Variants in TFEC observed in about 807,000 individuals in gnomAD.
The protein encoded by TFEC is transcription factor EC, also known as class E basic helix-loop-helix protein 34.
A neutral mutation model predicts 41.6 loss-of-function variants in TFEC; 31 were observed. The observed-to-expected ratio is 0.74, with a 90% confidence interval of 0.56 to 1.01. The LOEUF is 1.01. Ranked by LOEUF, TFEC falls within the 50% of genes least tolerant of loss-of-function variation. The probability of loss-of-function intolerance (pLI) is 0.00; values close to 1 mark genes in which losing one functional copy is unlikely to be tolerated. For missense variants in TFEC, 402 were observed against 404.1 expected (o/e 0.99, Z 0.04); for synonymous variants, 143 against 140.6 (o/e 1.02, Z -0.12).
intron 3 of TFEC, among the ~76,000 whole-genome samples, chr7:116,100,566 C>T (rs759393120): frequency 1.3e-5 from 2 of 150,168 alleles, no homozygotes; most frequent in East Asian, 2.0e-4. Flanking sequence ...AGGTGTAGAG[C>T]GAACAAGAGA....
chr7:116,119,150 A>G (rs1017790254), intron 1 of TFEC, among the ~76,000 whole-genome samples: 2 of 151,812 alleles, frequency 1.3e-5, no homozygotes, highest in Non-Finnish European at 2.9e-5. Context: ...CCTTCAATAA[A>G]TTTATTAATG....
intron 1 of TFEC, among the ~76,000 whole-genome samples, chr7:116,017,285 G>C (rs556501996): frequency 6.6e-6 from 1 of 152,078 alleles, no homozygotes; most frequent in Admixed American, 6.5e-5. Flanking sequence ...GCAGTGGCAC[G>C]ATCTCCACTC....
chr7:116,003,177 A>G (rs1794662630), intron 1 of TFEC, among the ~76,000 whole-genome samples: 1 of 152,152 alleles, frequency 6.6e-6, no homozygotes, highest in South Asian at 2.1e-4. Flanking sequence ...ATAAATTAAA[A>G]GTAGGGCTAG....
intron 1 of TFEC, among the ~76,000 whole-genome samples, chr7:116,127,025 C>A (rs746420788): frequency 1.6e-4 from 25 of 152,104 alleles, no homozygotes; most frequent in Non-Finnish European, 3.1e-4. Context: ...TAATTTCAAC[C>A]TTTCTGACTG....
chr7:116,082,079 G>C (rs1440318431), intron 3 of TFEC, among the ~76,000 whole-genome samples: 2 of 152,036 alleles, frequency 1.3e-5, no homozygotes, highest in African/African-American at 2.4e-5. Context: ...CCAAGAGACT[G>C]TGAACTTAGT....
chr7:115,990,325 C>G (rs1794050069), intron 1 of TFEC, among the ~76,000 whole-genome samples: 1 of 152,142 alleles, frequency 6.6e-6, no homozygotes, highest in Non-Finnish European at 1.5e-5. Flanking sequence ...GCTTCTTCTC[C>G]ACCAAAGGAG....
chr7:116,051,013 T>C (rs1393731031), intron 3 of TFEC, among the ~76,000 whole-genome samples: 3 of 152,316 alleles, frequency 2.0e-5, no homozygotes, highest in African/African-American at 7.2e-5. Flanking sequence ...CGGATGAAGC[T>C]GGAAACCATC....
intron 2 of TFEC, chr7:116,111,889 T>C: frequency 2.2e-6 from 1 of 462,612 alleles, no homozygotes; most frequent in Non-Finnish European, 2.9e-6. Context: ...TTAGTGTTTA[T>C]AAGATATCAT....
At chr7:115,959,397 G>A (rs138380100) in intron 3 of TFEC, among the ~76,000 whole-genome samples, 7 of 151,732 alleles carry the variant, frequency 4.6e-5, no homozygotes, top group South Asian at 2.1e-4. Flanking sequence ...GAGGCTCTTC[G>A]CCGTAGATTT....
At chr7:116,081,583 C>G (rs556394261) in intron 3 of TFEC, among the ~76,000 whole-genome samples, 2 of 152,006 alleles carry the variant, frequency 1.3e-5, no homozygotes, top group African/African-American at 4.8e-5. Flanking sequence ...GGTAACTGCT[C>G]TCTCCAAATC....
intron 3 of TFEC, among the ~76,000 whole-genome samples, chr7:116,059,139 G>A (rs1229568511): frequency 1.3e-5 from 2 of 151,776 alleles, no homozygotes; most frequent in Admixed American, 6.6e-5. Context: ...CATAAAGAGA[G>A]GGAAATACAA....
intron 3 of TFEC, among the ~76,000 whole-genome samples, chr7:116,048,690 A>G (rs1351268143): frequency 6.6e-6 from 1 of 152,224 alleles, no homozygotes; most frequent in Non-Finnish European, 1.5e-5. Flanking sequence ...CAGATTCATC[A>G]AAGTTGAAAT....
intron 3 of TFEC, among the ~76,000 whole-genome samples, chr7:116,089,930 A>G (rs996939600): frequency 4.6e-5 from 7 of 152,114 alleles, no homozygotes; most frequent in African/African-American, 1.7e-4. Context: ...CCAGGGTGTC[A>G]AGGTTTGGAT....
At chr7:116,130,832 A>G (rs2116308931) in intron 1 of TFEC, among the ~76,000 whole-genome samples, 1 of 152,284 alleles carries the variant, frequency 6.6e-6, no homozygotes. Flanking sequence ...GGCTGGTTTC[A>G]AACTCCTGGG....
chr7:115,941,348 G>A (rs910132072), intron 7 of TFEC: 2 of 162,180 alleles, frequency 1.2e-5, no homozygotes, highest in Admixed American at 6.3e-5. Context: ...AATCTTGAGA[G>A]TTATAAAAGC....
intron 3 of TFEC, among the ~76,000 whole-genome samples, chr7:116,099,571 A>G (rs917230578): frequency 6.6e-6 from 1 of 152,196 alleles, no homozygotes; most frequent in Admixed American, 6.5e-5. Context: ...GAAGAAGCCA[A>G]ACCATACTGC....
intron 3 of TFEC, among the ~76,000 whole-genome samples, chr7:116,101,926 C>T (rs1054291348): frequency 6.6e-6 from 1 of 152,150 alleles, no homozygotes; most frequent in African/African-American, 2.4e-5. Context: ...AAAGATGACT[C>T]TTACAGAAAA....
Position 115,978,003 on chromosome 7 carries a change from G to A in TFEC, c.181-3747C>T, listed in dbSNP as rs1004450641. The stretch of plus-strand genomic sequence containing the variant: ...GATAGAAAAAAGAGGGCAAAGAAAC[G>A]GAAAGCATAGTAACTTAAAACATAA... On this transcript the variant is annotated intron_variant, in intron 2 of 7. Coordinates refer to ENST00000265440, the MANE Select transcript of TFEC (RefSeq NM_012252.4). Among the ~76,000 whole-genome samples, 5 of 151,858 alleles carry A rather than the reference G, an allele frequency of 3.3e-5. No individual in the cohort carries two copies. In the East Asian group the frequency reaches 5.8e-4, roughly 18 times the overall value.
intron 1 of TFEC, among the ~76,000 whole-genome samples, chr7:116,026,077 C>G (rs1196897843): frequency 6.6e-6 from 1 of 152,168 alleles, no homozygotes; most frequent in Non-Finnish European, 1.5e-5. Context: ...ATAATCAAAT[C>G]AAGCTCCTTC....
Sources: gnomAD v4.1 joint callset for allele counts (sites outside exome capture counted in the v4.1 genomes callset) on GRCh38, gnomAD v4.1.1 for gene constraint, MANE v1.5 for transcripts, NCBI Gene and HGNC (gene_info 2026-07-23, HGNC 2026-07-21) for gene names.